Variants in SLC5A4 observed in about 807,000 individuals in gnomAD.
SLC5A4 encodes the protein probable glucose sensor protein SLC5A4.
A neutral mutation model predicts 70.3 loss-of-function variants in SLC5A4; 55 were observed. That is an observed-to-expected ratio of 0.78 (90% CI 0.63 to 0.98). The LOEUF is 0.98. Ranked by LOEUF, SLC5A4 falls within the 50% of genes least tolerant of loss-of-function variation. The pLI, the probability that SLC5A4 is intolerant of heterozygous loss-of-function variation, is 0.00. For synonymous variants in SLC5A4, 268 were observed against 305.7 expected (o/e 0.88, Z 1.29); for missense variants, 735 against 839.2 (o/e 0.88, Z 1.53).
At chr22:32,313,657 G>A in the SLC5A4 span, among the ~76,000 whole-genome samples, 1 of 152,192 alleles carries the variant, frequency 6.6e-6, no homozygotes, top group East Asian at 1.9e-4. Flanking sequence ...AACTCCATCT[G>A]TGGCAGGCAG....
the SLC5A4 span, among the ~76,000 whole-genome samples, chr22:32,267,432 A>G: frequency 1.3e-5 from 2 of 152,226 alleles, no homozygotes; most frequent in Non-Finnish European, 2.9e-5. Context: ...TAAGAAAAAA[A>G]TTAAAATTTT....
intron 5 of SLC5A4, among the ~76,000 whole-genome samples, chr22:32,242,658 G>A (rs1033548009): frequency 1.3e-5 from 2 of 152,114 alleles, no homozygotes; most frequent in African/African-American, 2.4e-5. Flanking sequence ...GCAGTGAACT[G>A]AGGTCACACC....
At chr22:32,270,440 A>C in the SLC5A4 span, 1 of 1,239,772 alleles carries the variant, frequency 8.1e-7, no homozygotes, top group East Asian at 2.3e-5. Context: ...GTGCCTAAGG[A>C]GGAGAAAGAG....
the SLC5A4 span, among the ~76,000 whole-genome samples, chr22:32,347,853 A>G: frequency 6.6e-6 from 1 of 151,980 alleles, no homozygotes; most frequent in Non-Finnish European, 1.5e-5. Context: ...CTTAAAGTAT[A>G]ATAATAATAA....
the SLC5A4 span, among the ~76,000 whole-genome samples, chr22:32,263,980 A>G: frequency 6.6e-6 from 1 of 152,164 alleles, no homozygotes; most frequent in Non-Finnish European, 1.5e-5. Context: ...GTTCTCGCTC[A>G]TAAGGGGAGT....
At chr22:32,301,491 C>T in the SLC5A4 span, among the ~76,000 whole-genome samples, 1 of 152,044 alleles carries the variant, frequency 6.6e-6, no homozygotes, top group Non-Finnish European at 1.5e-5. Flanking sequence ...CTGAAAACTG[C>T]AAAACATTCT....
the SLC5A4 span, among the ~76,000 whole-genome samples, chr22:32,327,853 C>A: frequency 6.6e-6 from 1 of 152,206 alleles, no homozygotes; most frequent in African/African-American, 2.4e-5. Flanking sequence ...TGCACACCCT[C>A]TGCACTCTGA....
At chr22:32,269,938 A>G in the SLC5A4 span, 7 of 536,924 alleles carry the variant, frequency 1.3e-5, no homozygotes, top group East Asian at 2.1e-4. This position sits in a 1 kb window ranked among gnomAD's most constrained non-coding sequence, Gnocchi z 4.1. Flanking sequence ...CATGGTCACC[A>G]TGGAGCCTGG....
chr22:32,244,146 G>A (rs769563182), intron 5 of SLC5A4, among the ~76,000 whole-genome samples: 8 of 152,172 alleles, frequency 5.3e-5, no homozygotes, highest in South Asian at 2.1e-4. Flanking sequence ...ATCCCAACTC[G>A]GTTGTACAAA....
the SLC5A4 span, among the ~76,000 whole-genome samples, chr22:32,340,116 G>A: frequency 6.8e-6 from 1 of 146,652 alleles, no homozygotes; most frequent in African/African-American, 2.6e-5. Context: ...CAGCTGCTGT[G>A]CGTTTCCCAG....
the SLC5A4 span, among the ~76,000 whole-genome samples, chr22:32,292,246 T>TATACTAGATATTATATATAATAC: frequency 1.7e-5 from 2 of 115,830 alleles, no homozygotes; most frequent in Non-Finnish European, 3.4e-5. Flanking sequence ...ATATATAATA[T>TATACTAGATATTATATATAATAC]ATACTAGATA....
intron 6 of SLC5A4, 49 bp downstream of exon 6, chr22:32,238,935 TG>T: frequency 2.4e-6 from 3 of 1,254,980 alleles, no homozygotes; most frequent in Non-Finnish European, 3.5e-6. Flanking sequence ...CAGGTTGGGG[TG>T]GGATCAGCAA....
the SLC5A4 span, chr22:32,271,642 C>G: frequency 8.1e-6 from 5 of 614,836 alleles, no homozygotes; most frequent in Admixed American, 2.3e-5. Context: ...TCTGCGGCCC[C>G]TCACCTCACT....
chr22:32,285,296 G>A, the SLC5A4 span, among the ~76,000 whole-genome samples: 1 of 152,150 alleles, frequency 6.6e-6, no homozygotes, highest in Non-Finnish European at 1.5e-5. Flanking sequence ...CAAAGTGTAT[G>A]TGCATTTTTA....
the SLC5A4 span, among the ~76,000 whole-genome samples, chr22:32,338,232 AT>A: frequency 6.6e-6 from 1 of 152,224 alleles, no homozygotes; most frequent in African/African-American, 2.4e-5. Flanking sequence ...TGGGGGATAA[AT>A]GTTGCTTCAT....
At chr22:32,319,827 G>A in the SLC5A4 span, among the ~76,000 whole-genome samples, 1 of 152,122 alleles carries the variant, frequency 6.6e-6, no homozygotes, top group Non-Finnish European at 1.5e-5. Flanking sequence ...AAAACTGTCT[G>A]CAGTCTCCAT....
intron 5 of SLC5A4, among the ~76,000 whole-genome samples, chr22:32,239,562 AT>A (rs1926342816): frequency 4.9e-5 from 1 of 20,518 alleles, no homozygotes; most frequent in African/African-American, 2.5e-4. Context: ...ATATATATAT[AT>A]ATATATTTAT....
At chr22:32,339,142 G>A in the SLC5A4 span, among the ~76,000 whole-genome samples, 1 of 152,200 alleles carries the variant, frequency 6.6e-6, no homozygotes, top group Non-Finnish European at 1.5e-5. Context: ...CATCATTAGA[G>A]ACGCGCAAAA....
the SLC5A4 span, among the ~76,000 whole-genome samples, chr22:32,347,571 C>T: frequency 6.9e-3 from 1,050 of 151,550 alleles, 12 homozygotes; most frequent in Middle Eastern, 0.01. Context: ...TGGATGAAGC[C>T]GGAAACCATC....
Sources: allele counts gnomAD v4.1 joint callset (sites outside exome capture counted in the v4.1 genomes callset), GRCh38; gene constraint gnomAD v4.1.1; non-coding constraint Gnocchi (gnomAD v3.1); transcripts MANE v1.5; gene names NCBI Gene and HGNC (gene_info 2026-07-23, HGNC 2026-07-21).